The following CCSER1 variants were observed in gnomAD, a reference collection of about 807,000 sequenced individuals.
CCSER1 encodes serine-rich coiled-coil domain-containing protein 1.
Under a neutral mutation model 82.0 loss-of-function variants are expected in CCSER1, and 41 were observed. That is an observed-to-expected ratio of 0.50 (90% CI 0.39 to 0.65). CCSER1 has a LOEUF of 0.65. CCSER1 is among the 30% of genes least tolerant of loss of function. The pLI is 0.00. For synonymous variants in CCSER1, 414 were observed against 383.9 expected, an observed-to-expected ratio of 1.08 and a Z score of -0.92; for missense variants, 1,119 against 1,064.2, an observed-to-expected ratio of 1.05 and a Z score of -0.72.
intron 10 of CCSER1, among the ~76,000 whole-genome samples, chr4:91,214,680 C>T (rs868190789): frequency 2.0e-5 from 3 of 152,056 alleles, no homozygotes; most frequent in South Asian, 4.2e-4. Flanking sequence ...AAGTCAGTCT[C>T]CATAAATGGA....
chr4:91,375,923 C>T (rs2149330038), intron 10 of CCSER1, among the ~76,000 whole-genome samples: 1 of 151,846 alleles, frequency 6.6e-6, no homozygotes, highest in East Asian at 1.9e-4. Context: ...AAGTTAGATC[C>T]CTACTTTACA....
At chr4:90,438,481 G>T (rs958550577) in intron 4 of CCSER1, among the ~76,000 whole-genome samples, 5 of 151,990 alleles carry the variant, frequency 3.3e-5, no homozygotes, top group Non-Finnish European at 7.4e-5. Context: ...CATTGTTAAG[G>T]TGATTTACCA....
intron 5 of CCSER1, among the ~76,000 whole-genome samples, chr4:90,527,384 A>G (rs1332862972): frequency 6.6e-6 from 1 of 152,186 alleles, no homozygotes; most frequent in Non-Finnish European, 1.5e-5. Flanking sequence ...GCAAATTAAA[A>G]CCACAATGAG....
chr4:90,957,251 C>G (rs1164298678), intron 9 of CCSER1, among the ~76,000 whole-genome samples: 1 of 146,946 alleles, frequency 6.8e-6, no homozygotes, highest in African/African-American at 2.5e-5. Flanking sequence ...ACAGGCCCCC[C>G]CCACCACGTC....
At chr4:90,233,842 G>T in intron 1 of CCSER1, among the ~76,000 whole-genome samples, 1 of 152,058 alleles carries the variant, frequency 6.6e-6, no homozygotes, top group East Asian at 1.9e-4. Flanking sequence ...ATGATGCACT[G>T]AGATCTTGGA....
At chr4:90,284,818 G>A (rs1446402036) in intron 1 of CCSER1, among the ~76,000 whole-genome samples, 1 of 151,922 alleles carries the variant, frequency 6.6e-6, no homozygotes, top group Non-Finnish European at 1.5e-5. Flanking sequence ...TATATGGAGA[G>A]AGATATGGGT....
chr4:91,041,545 G>A (rs935658677), intron 9 of CCSER1, among the ~76,000 whole-genome samples: 8 of 152,038 alleles, frequency 5.3e-5, no homozygotes, highest in Non-Finnish European at 1.2e-4. Flanking sequence ...AAGAATCCCC[G>A]TGACTGTACA....
At chr4:90,273,038 T>C (rs556913928) in intron 1 of CCSER1, among the ~76,000 whole-genome samples, 1 of 151,814 alleles carries the variant, frequency 6.6e-6, no homozygotes, top group African/African-American at 2.4e-5. Flanking sequence ...AAAACAGAAC[T>C]ATGATATCCT....
chr4:91,448,364 TTCAA>T (rs1235481053), intron 10 of CCSER1, among the ~76,000 whole-genome samples: 1 of 152,120 alleles, frequency 6.6e-6, no homozygotes, highest in Non-Finnish European at 1.5e-5. Flanking sequence ...GGGAATTTCA[TTCAA>T]TAAAATATCT....
At chr4:91,288,777 G>T (rs1430210932) in intron 10 of CCSER1, among the ~76,000 whole-genome samples, 1 of 152,006 alleles carries the variant, frequency 6.6e-6, no homozygotes, top group Non-Finnish European at 1.5e-5. Flanking sequence ...AGCAGAAAAA[G>T]ATCATTTATT....
rs115574742 is a variant in CCSER1 at position 90,416,675 on chromosome 4, C to A, written c.1603+16546C>A. On this transcript the variant is annotated intron_variant, in intron 4 of 10. Coordinates refer to ENST00000509176, the MANE Select transcript of CCSER1 (RefSeq NM_001145065.2). ...CCCATTATTGGTTATTTTTTGTAGA[C>A]CCTAGTTTCTTAATGTTTTATCATT... Among the ~76,000 whole-genome samples the A allele has an allele frequency of 8.1e-3, 1,229 of 152,042 alleles. 10 individuals are homozygous for A. Among genetic ancestry groups the A allele is most frequent in the South Asian group, 0.03 (143 of 4,812 alleles).
At chr4:91,597,428 A>G (rs921258641) in intron 10 of CCSER1, among the ~76,000 whole-genome samples, 14 of 152,112 alleles carry the variant, frequency 9.2e-5, no homozygotes, top group Non-Finnish European at 1.9e-4. Flanking sequence ...ACTTGAGATT[A>G]TATTTTGTAA....
intron 6 of CCSER1, among the ~76,000 whole-genome samples, chr4:90,648,284 G>GAAAGAAAGAAA (rs1333719884): frequency 2.2e-5 from 2 of 89,892 alleles, no homozygotes; most frequent in African/African-American, 8.4e-5. Flanking sequence ...GAGAAAGAAA[G>GAAAGAAAGAAA]GAAAGAAAGA....
intron 10 of CCSER1, among the ~76,000 whole-genome samples, chr4:91,287,087 A>G (rs1743333464): frequency 6.6e-6 from 1 of 151,896 alleles, no homozygotes; most frequent in South Asian, 2.1e-4. Flanking sequence ...GACTGAAATT[A>G]TATATTTAAA....
chr4:91,438,756 C>G (rs1223631401), intron 10 of CCSER1, among the ~76,000 whole-genome samples: 1 of 152,058 alleles, frequency 6.6e-6, no homozygotes, highest in African/African-American at 2.4e-5. Flanking sequence ...AAATGTATAA[C>G]TAGAATAACC....
chr4:90,314,086 C>T (rs1444353703), intron 3 of CCSER1, among the ~76,000 whole-genome samples: 1 of 152,080 alleles, frequency 6.6e-6, no homozygotes, highest in Non-Finnish European at 1.5e-5. Flanking sequence ...AATCACTGTG[C>T]TTGATGTTAG....
At chr4:90,550,465 T>A (rs955956571) in intron 5 of CCSER1, among the ~76,000 whole-genome samples, 5 of 152,178 alleles carry the variant, frequency 3.3e-5, no homozygotes, top group Non-Finnish European at 2.9e-5. Flanking sequence ...AGACAACTTT[T>A]TGGCAGAAGA....
At chr4:91,008,249 G>T (rs772027606) in intron 9 of CCSER1, among the ~76,000 whole-genome samples, 1 of 152,178 alleles carries the variant, frequency 6.6e-6, no homozygotes, top group Non-Finnish European at 1.5e-5. Flanking sequence ...TTTCTCTAGA[G>T]TGAAGTTTAT....
chr4:91,270,516 G>A (rs1488220792), intron 10 of CCSER1, among the ~76,000 whole-genome samples: 1 of 151,686 alleles, frequency 6.6e-6, no homozygotes, highest in Non-Finnish European at 1.5e-5. Flanking sequence ...CATTCTCTGT[G>A]ACAGACTCAT....
Sources: gnomAD v4.1 joint callset for allele counts (sites outside exome capture counted in the v4.1 genomes callset) on GRCh38, gnomAD v4.1.1 for gene constraint, MANE v1.5 for transcripts, NCBI Gene and HGNC (gene_info 2026-07-23, HGNC 2026-07-21) for gene names.